PPP1R9A: variants seen among roughly 807,000 people sequenced by gnomAD.
The protein encoded by PPP1R9A is protein phosphatase 1 regulatory subunit 9A.
In PPP1R9A, 59 loss-of-function variants were observed where a neutral mutation model predicts 141.9. That is an observed-to-expected ratio of 0.42 (90% CI 0.34 to 0.52). The LOEUF is 0.52. Among genes scored for constraint, PPP1R9A ranks in the 20% least tolerant of loss-of-function variants. PPP1R9A has a pLI of 0.10. For missense variants in PPP1R9A, 1,444 were observed against 1,611.9 expected (o/e 0.90, Z 1.78); for synonymous variants, 500 against 569.7 (o/e 0.88, Z 1.74).
In PPP1R9A at chr7:95,209,744, G is replaced by C. The variant is rs146711697; in HGVS notation, c.1956+6014G>C. Among the ~76,000 whole-genome samples, 735 of 152,128 alleles carry C rather than the reference G, an allele frequency of 4.8e-3. 5 individuals carry two copies. The highest frequency in any genetic ancestry group is 0.017 in the African/African-American group (693 of 41,506). On this transcript the variant is annotated intron_variant, in intron 7 of 19. Transcript: ENST00000433360. Reference sequence around the variant, plus strand: ...AATTTCTGGTTCTATCTGATGATCTGATAGCATTTTTGCAATTACACGAAT... The same window carrying C: ...AATTTCTGGTTCTATCTGATGATCTCATAGCATTTTTGCAATTACACGAAT...
intron 2 of PPP1R9A, among the ~76,000 whole-genome samples, chr7:95,025,629 G>T (rs1806714127): frequency 6.6e-6 from 1 of 152,060 alleles, no homozygotes. Flanking sequence ...GTCTTGCTAG[G>T]TTGGGCAAGT....
At chr7:95,105,137 A>G (rs1819330964) in intron 2 of PPP1R9A, among the ~76,000 whole-genome samples, 1 of 152,214 alleles carries the variant, frequency 6.6e-6, no homozygotes, top group South Asian at 2.1e-4. Context: ...AATATGCTGA[A>G]TTTATTTAGA....
chr7:95,288,444 GCT>G (rs1805751966), intron 18 of PPP1R9A, 90 bp from the exon 19 acceptor site: 1 of 1,491,554 alleles, frequency 6.7e-7, no homozygotes, highest in Non-Finnish European at 8.9e-7. Flanking sequence ...CATAAATGTG[GCT>G]CTCATAGGTT....
At chr7:95,122,683 A>G (rs925810283) in intron 4 of PPP1R9A, among the ~76,000 whole-genome samples, 14 of 152,242 alleles carry the variant, frequency 9.2e-5, no homozygotes, top group African/African-American at 2.9e-4. Flanking sequence ...TCTACATTTA[A>G]AACAAAGAAT....
chr7:94,987,057 C>T (rs1230166194), intron 2 of PPP1R9A, among the ~76,000 whole-genome samples: 1 of 152,076 alleles, frequency 6.6e-6, no homozygotes, highest in Non-Finnish European at 1.5e-5. Flanking sequence ...TTGGTGATCT[C>T]AAAGTAAGAG....
intron 2 of PPP1R9A, among the ~76,000 whole-genome samples, chr7:94,915,469 A>G (rs1299646799): frequency 6.6e-6 from 1 of 152,194 alleles, no homozygotes; most frequent in African/African-American, 2.4e-5. Context: ...TTCAGTAGGT[A>G]TTCTATGGGA....
At position 95,017,231 on chromosome 7, in the gene PPP1R9A, ACT is replaced by A. The variant is rs545345819; in HGVS notation, c.1396-94023_1396-94022del. Among the ~76,000 whole-genome samples, 3 of 152,258 alleles carry A rather than the reference ACT, an allele frequency of 2.0e-5. No individual in the cohort carries two copies. The South Asian group carries it at 6.2e-4, about 32-fold the overall frequency. On this transcript the variant is annotated intron_variant, in intron 2 of 19. Coordinates refer to ENST00000433360, the MANE Select transcript of PPP1R9A (RefSeq NM_001166160.2). The stretch of plus-strand genomic sequence containing the variant: ...TGTTTTAAACCAAGCAGTTTGTGGT[ACT>A]CTCTGGGAAACTGAAATATAGCAAG...
chr7:95,120,967 T>G, intron 4 of PPP1R9A, 135 bp downstream of exon 4: 1 of 1,167,412 alleles, frequency 8.6e-7, no homozygotes, highest in Non-Finnish European at 1.2e-6. Flanking sequence ...GTGAAAATCT[T>G]TAAACACTTG....
chr7:95,264,151 C>A (rs913948728), intron 12 of PPP1R9A, among the ~76,000 whole-genome samples: 6 of 152,140 alleles, frequency 3.9e-5, no homozygotes, highest in African/African-American at 1.4e-4. Context: ...ATCTATTAAC[C>A]CAAACCCCAG....
chr7:94,974,141 A>T (rs1219266357), intron 2 of PPP1R9A, among the ~76,000 whole-genome samples: 1 of 152,200 alleles, frequency 6.6e-6, no homozygotes, highest in Admixed American at 6.5e-5. Flanking sequence ...GATGAACTGC[A>T]TGAGTTAAGG....
At chr7:95,277,496 C>T (rs1803419700) in intron 16 of PPP1R9A, among the ~76,000 whole-genome samples, 1 of 152,132 alleles carries the variant, frequency 6.6e-6, no homozygotes, top group Non-Finnish European at 1.5e-5. Context: ...ATGGCACAAT[C>T]ACAGCTCATT....
intron 3 of PPP1R9A, among the ~76,000 whole-genome samples, chr7:95,112,530 T>G (rs1216439760): frequency 1.3e-5 from 2 of 151,810 alleles, no homozygotes; most frequent in Non-Finnish European, 2.9e-5. Flanking sequence ...CATAGAACTA[T>G]CATTTGACCA....
intron 2 of PPP1R9A, among the ~76,000 whole-genome samples, chr7:94,914,981 TG>T (rs1450562323): frequency 6.6e-6 from 1 of 151,942 alleles, no homozygotes. Context: ...CTGTTTCTTA[TG>T]TCCTTTGGAT....
At chr7:95,077,220 T>G (rs1199288639) in intron 2 of PPP1R9A, among the ~76,000 whole-genome samples, 1 of 152,140 alleles carries the variant, frequency 6.6e-6, no homozygotes, top group East Asian at 1.9e-4. Context: ...TTTTTTTGTT[T>G]CTAATAATCA....
At position 94,911,185 on chromosome 7, in the gene PPP1R9A, A is replaced by C. The variant is rs1293994757; in HGVS notation, c.1072A>C (p.Lys358Gln). ...EANLVGREAA[K>Q]QQRKELAGGD... ...TAATTTGGTTGGAAGGGAGGCAGCAAAGCAACAGAGGAAAGAACTTGCAGG... is the reference window on the plus strand; with the variant it reads ...TAATTTGGTTGGAAGGGAGGCAGCACAGCAACAGAGGAAAGAACTTGCAGG... Residue 358 changes from lysine (K) to glutamine (Q), a missense_variant, in exon 2 of 20, where the codon AAG becomes CAG. This residue lies in a region of PPP1R9A where 490 missense variants were observed against 521.1 expected (regional missense o/e 0.94). Coordinates refer to ENST00000433360, the MANE Select transcript of PPP1R9A (RefSeq NM_001166160.2). 6.2e-7 allele frequency: 1 copy of C among 1,614,072 alleles called. No individual in the cohort carries two copies. Among genetic ancestry groups the C allele is most frequent in the Non-Finnish European group, 8.5e-7 (1 of 1,180,032 alleles).
At chr7:94,922,587 T>C (rs533407417) in intron 2 of PPP1R9A, among the ~76,000 whole-genome samples, 1 of 152,326 alleles carries the variant, frequency 6.6e-6, no homozygotes, top group African/African-American at 2.4e-5. Context: ...GTATTACTCA[T>C]GTTTTCTAAG....
intron 4 of PPP1R9A, among the ~76,000 whole-genome samples, chr7:95,141,521 C>G (rs949245069): frequency 6.6e-6 from 1 of 152,128 alleles, no homozygotes; most frequent in Non-Finnish European, 1.5e-5. Context: ...TCCTTTCCCC[C>G]CAGCTCTCCT....
At chr7:95,211,383 C>G (rs1792092731) in intron 7 of PPP1R9A, among the ~76,000 whole-genome samples, 1 of 152,142 alleles carries the variant, frequency 6.6e-6, no homozygotes, top group Admixed American at 6.5e-5. Context: ...CTCTCTGCCT[C>G]CTGAAACAGG....
At chr7:95,110,680 C>T (rs570353522) in intron 2 of PPP1R9A, among the ~76,000 whole-genome samples, 2 of 152,126 alleles carry the variant, frequency 1.3e-5, no homozygotes, top group South Asian at 2.1e-4. Flanking sequence ...AGCCCTTTAG[C>T]GATATTTTCA....
Sources: allele counts gnomAD v4.1 joint callset (sites outside exome capture counted in the v4.1 genomes callset), GRCh38; gene constraint gnomAD v4.1.1; regional missense constraint gnomAD v4.1.1; transcripts MANE v1.5; gene names NCBI Gene and HGNC (gene_info 2026-07-23, HGNC 2026-07-21).